TRPM3: variants seen among roughly 807,000 people sequenced by gnomAD.
The protein encoded by TRPM3 is long transient receptor potential channel 3.
TRPM3 carries 77 observed loss-of-function variants against 181.2 expected under a neutral mutation model. The observed-to-expected ratio is 0.42, with a 90% CI of 0.35 to 0.51. The LOEUF (loss-of-function observed/expected upper bound fraction) is 0.51. Among genes scored for constraint, TRPM3 ranks in the 20% least tolerant of loss-of-function variants. The pLI, the probability that TRPM3 is intolerant of heterozygous loss-of-function variation, is 0.01. For missense variants in TRPM3, 1,759 were observed against 2,196.7 expected, an observed-to-expected ratio of 0.80 and a Z score of 3.98; for synonymous variants, 745 against 796.4, an observed-to-expected ratio of 0.94 and a Z score of 1.09.
chr9:71,432,376 T>G (rs543109720), intron 1 of TRPM3, among the ~76,000 whole-genome samples: 53 of 145,016 alleles, frequency 3.7e-4, no homozygotes, highest in African/African-American at 1.3e-3. Flanking sequence ...TCTGCATACA[T>G]TTTCATGGCC....
intron 8 of TRPM3, among the ~76,000 whole-genome samples, chr9:70,696,662 A>G (rs1052437489): frequency 6.6e-6 from 1 of 152,262 alleles, no homozygotes; most frequent in Non-Finnish European, 1.5e-5. Flanking sequence ...ATGCCAGGAC[A>G]TTCTGGAGTT....
At chr9:71,214,819 A>AC (rs2079740262) in intron 1 of TRPM3, among the ~76,000 whole-genome samples, 2 of 151,640 alleles carry the variant, frequency 1.3e-5, no homozygotes, top group African/African-American at 4.8e-5. Context: ...TCTGCCTGTA[A>AC]CCCCCTTCCC....
chr9:71,263,666 A>C (rs974907648), intron 1 of TRPM3, among the ~76,000 whole-genome samples: 2 of 152,212 alleles, frequency 1.3e-5, no homozygotes, highest in South Asian at 4.1e-4. Context: ...TGATTCTGGC[A>C]CAATCACAGC....
chr9:70,838,714 A>G (rs2094465450), intron 5 of TRPM3, among the ~76,000 whole-genome samples: 2 of 152,182 alleles, frequency 1.3e-5, no homozygotes, highest in Admixed American at 6.5e-5. Flanking sequence ...TGGAGAAACC[A>G]CAGAGGTGGA....
intron 1 of TRPM3, among the ~76,000 whole-genome samples, chr9:71,419,620 A>G (rs944870083): frequency 6.6e-6 from 1 of 151,976 alleles, no homozygotes; most frequent in Non-Finnish European, 1.5e-5. Context: ...GTAACCAAAG[A>G]TACATATCAC....
rs2041524740 is a variant in TRPM3, at chr9:70,535,571, A to G, written c.*382T>C. 20 of 1,523,056 alleles carry G rather than the reference A, an allele frequency of 1.3e-5. No homozygotes were observed. In the South Asian group the frequency reaches 2.5e-4, roughly 19 times the overall value. 94.3% of individuals were successfully genotyped at this position (1,523,056 alleles called of 1,614,324 possible). ...TTGCAATTTAGCCCTGCATCCTACA[A>G]CTCTTGATAATGGTCAGAAATCAAC... On this transcript the variant is annotated 3_prime_UTR_variant, in exon 26 of 26. Coordinates refer to ENST00000677713, the MANE Select transcript of TRPM3 (RefSeq NM_001366145.2).
At chr9:70,953,219 A>G (rs1001877131) in intron 1 of TRPM3, among the ~76,000 whole-genome samples, 9 of 152,196 alleles carry the variant, frequency 5.9e-5, no homozygotes, top group Non-Finnish European at 1.3e-4. Flanking sequence ...TAGTGGCTGT[A>G]CAGTTTCAAA....
Position 70,619,083 on chromosome 9 carries a change from C to T in TRPM3, c.2142G>A (p.Gln714=), listed in dbSNP as rs1228351945. Residue 714 remains glutamine (Q), a synonymous_variant, in exon 17 of 26, where the codon CAG becomes CAA. Transcript: ENST00000677713. ...ELNHNSRDFG[Q]LAVELLDQSY... ...ACTGGTCCAGGAGCTCCACAGCCAG[C>T]TGGCCAAAGTCTCTGAAAGACAGAA... The T allele has an allele frequency of 3.1e-6, 5 of 1,612,860 alleles. No homozygotes were observed. Among genetic ancestry groups the T allele is most frequent in the Non-Finnish European group, 4.2e-6 (5 of 1,179,494 alleles).
intron 1 of TRPM3, among the ~76,000 whole-genome samples, chr9:71,092,137 A>G (rs539902606): frequency 6.6e-6 from 1 of 152,262 alleles, no homozygotes; most frequent in South Asian, 2.1e-4. Flanking sequence ...ATACTTAATA[A>G]GTACTAAAAT....
intron 1 of TRPM3, among the ~76,000 whole-genome samples, chr9:71,283,473 T>C (rs928096327): frequency 6.7e-6 from 1 of 149,040 alleles, no homozygotes; most frequent in Non-Finnish European, 1.5e-5. Flanking sequence ...ATTTTTTGCA[T>C]TTTTTTTTTC....
intron 6 of TRPM3, among the ~76,000 whole-genome samples, chr9:70,823,392 T>C (rs2093335561): frequency 1.5e-5 from 1 of 68,750 alleles, no homozygotes; most frequent in South Asian, 5.1e-4. Context: ...TCCAACTCTT[T>C]ACCAAGCTTT....
chr9:71,117,379 T>C (rs1457564492), intron 1 of TRPM3, among the ~76,000 whole-genome samples: 1 of 152,184 alleles, frequency 6.6e-6, no homozygotes, highest in East Asian at 1.9e-4. Context: ...GAAAATGTAA[T>C]CGTGGTTTTT....
intron 18 of TRPM3, among the ~76,000 whole-genome samples, chr9:70,613,731 C>G (rs2062332092): frequency 6.6e-6 from 1 of 152,232 alleles, no homozygotes; most frequent in Non-Finnish European, 1.5e-5. Context: ...GAACCTTCTA[C>G]TGGGCTCTTA....
At chr9:70,910,303 CA>C (rs1269283232) in intron 1 of TRPM3, among the ~76,000 whole-genome samples, 1 of 152,106 alleles carries the variant, frequency 6.6e-6, no homozygotes, top group East Asian at 1.9e-4. Flanking sequence ...CAAAGGAACA[CA>C]TGATTCTGTT....
intron 1 of TRPM3, among the ~76,000 whole-genome samples, chr9:71,323,946 C>T (rs1032215740): frequency 1.3e-5 from 2 of 152,106 alleles, no homozygotes; most frequent in African/African-American, 4.8e-5. Flanking sequence ...CTTAAGCTAG[C>T]CTGAGTGGGC....
At chr9:70,626,579 G>T in intron 12 of TRPM3, among the ~76,000 whole-genome samples, 1 of 152,286 alleles carries the variant, frequency 6.6e-6, no homozygotes, top group East Asian at 1.9e-4. Context: ...GCTGGACTTT[G>T]TCTCACCTAC....
chr9:71,200,336 A>G (rs202069315), intron 1 of TRPM3, among the ~76,000 whole-genome samples: 23,473 of 150,496 alleles, frequency 0.16, 2,325 homozygotes, highest in South Asian at 0.22. Flanking sequence ...GTGCTGAAAA[A>G]AATGTATATT....
chr9:70,621,374 GT>G, intron 14 of TRPM3, 101 bp from the exon 15 acceptor site: 1 of 856,350 alleles, frequency 1.2e-6, no homozygotes, highest in Non-Finnish European at 1.7e-6. Context: ...GTTTTGTTTT[GT>G]TTTTATTGAG....
chr9:70,752,048 G>GTGTGTT (rs1335584570), intron 8 of TRPM3, among the ~76,000 whole-genome samples: 6 of 87,214 alleles, frequency 6.9e-5, no homozygotes, highest in African/African-American at 2.3e-4. Flanking sequence ...GTGTGTGTGT[G>GTGTGTT]TGCGCGCGCG....
Sources: gnomAD v4.1 joint callset for allele counts (sites outside exome capture counted in the v4.1 genomes callset) on GRCh38, gnomAD v4.1.1 for gene constraint, MANE v1.5 for transcripts, NCBI Gene and HGNC (gene_info 2026-07-23, HGNC 2026-07-21) for gene names.